CACNA1C: variants seen among roughly 807,000 people sequenced by gnomAD.
CACNA1C encodes voltage-dependent L-type calcium channel subunit alpha-1C.
A neutral mutation model predicts 229.0 loss-of-function variants in CACNA1C; 30 were observed. The observed-to-expected ratio is 0.13, with a 90% CI of 0.10 to 0.18. The LOEUF (loss-of-function observed/expected upper bound fraction) is 0.18. Ranked by LOEUF, CACNA1C falls within the 10% of genes least tolerant of loss-of-function variation. CACNA1C has a pLI of 1.00. For synonymous variants in CACNA1C, 1,114 were observed against 1,132.5 expected (o/e 0.98, Z 0.33); for missense variants, 1,658 against 2,845.0 (o/e 0.58, Z 9.49).
chr12:2,162,523 G>A (rs1694952585), intron 3 of CACNA1C, among the ~76,000 whole-genome samples: 1 of 152,096 alleles, frequency 6.6e-6, no homozygotes, highest in African/African-American at 2.4e-5. Flanking sequence ...CCGTGTCTTT[G>A]AGGCACAGTA....
rs943739743 is a variant in CACNA1C at position 2,006,322 on chromosome 12, C to A, written c.139+35121C>A. On this transcript the variant is annotated intron_variant, in intron 1 of 46. Transcript: ENST00000682462. The stretch of plus-strand genomic sequence containing the variant: ...ACTCGGGAGGCTGAGGCAGGAGAAT[C>A]GCTTGAACCCGGGAGGCAGAGGTTG... Among the ~76,000 whole-genome samples, 19 of 152,108 alleles carry A rather than the reference C, an allele frequency of 1.2e-4. 1 individual carries two copies. The highest frequency in any genetic ancestry group is 1.5e-5 in the Non-Finnish European group (1 of 68,026).
intron 37 of CACNA1C, among the ~76,000 whole-genome samples, chr12:2,667,753 A>G (rs1345994501): frequency 6.6e-6 from 1 of 152,146 alleles, no homozygotes. Context: ...GCCAAGATAC[A>G]GTTCACACCG....
intron 3 of CACNA1C, among the ~76,000 whole-genome samples, chr12:2,310,803 A>G (rs2095397627): frequency 6.6e-6 from 1 of 152,214 alleles, no homozygotes; most frequent in Admixed American, 6.5e-5. Flanking sequence ...AGCACATCAG[A>G]AGAACCAATG....
intron 29 of CACNA1C, among the ~76,000 whole-genome samples, chr12:2,615,743 C>A (rs1323290621): frequency 2.0e-5 from 3 of 152,210 alleles, no homozygotes; most frequent in African/African-American, 7.2e-5. Flanking sequence ...CCAGTGTCGG[C>A]TGCTGGTTTG....
At chr12:2,240,911 G>T (rs1247570632) in intron 3 of CACNA1C, among the ~76,000 whole-genome samples, 1 of 152,102 alleles carries the variant, frequency 6.6e-6, no homozygotes, top group African/African-American at 2.4e-5. Context: ...CGTCTCAGTG[G>T]GTGCTTCTGC....
intron 3 of CACNA1C, among the ~76,000 whole-genome samples, chr12:2,199,987 T>C (rs2097536947): frequency 6.6e-6 from 1 of 152,196 alleles, no homozygotes; most frequent in Admixed American, 6.5e-5. Context: ...CATCGCACAA[T>C]TACTATCTGA....
chr12:2,641,834 C>G (rs546372674), intron 30 of CACNA1C: 3 of 700,786 alleles, frequency 4.3e-6, no homozygotes, highest in Non-Finnish European at 5.2e-6. Context: ...CCCACAAAGG[C>G]TGTTTTCTAC....
intron 9 of CACNA1C, among the ~76,000 whole-genome samples, chr12:2,517,299 T>A (rs1314579421): frequency 6.6e-6 from 1 of 152,230 alleles, no homozygotes; most frequent in East Asian, 1.9e-4. Flanking sequence ...CTGAAGAGTC[T>A]GGCCATCAGG....
At position 2,679,193 on chromosome 12, in the gene CACNA1C, TG is replaced by T. The variant is rs2096987111; in HGVS notation, c.5092-248del. Among the ~76,000 whole-genome samples the T allele has an allele frequency of 6.6e-6, 1 of 152,124 alleles. No individual in the cohort carries two copies. ...CCTTGCCCAATCCCATCCCCACTGG[TG>T]GGTGGGTTCTCCCAGCTGCTGCAGA... is the stretch of plus-strand genomic sequence containing the variant. On this transcript the variant is annotated intron_variant, in intron 41 of 46. Coordinates refer to ENST00000399655, the MANE Select transcript of CACNA1C (RefSeq NM_000719.7). The surrounding 1 kb of genome is among the most constrained non-coding windows in gnomAD (Gnocchi z 5.5).
At chr12:2,441,984 A>G (rs2099232724) in intron 3 of CACNA1C, among the ~76,000 whole-genome samples, 1 of 152,212 alleles carries the variant, frequency 6.6e-6, no homozygotes, top group Non-Finnish European at 1.5e-5. Context: ...AGCTCTTTGC[A>G]GCACTGTAAT....
intron 1 of CACNA1C, among the ~76,000 whole-genome samples, chr12:2,086,651 AGT>A (rs1241735377): frequency 6.6e-6 from 1 of 152,178 alleles, no homozygotes; most frequent in African/African-American, 2.4e-5. Context: ...ATGGTGACTC[AGT>A]GAGCATGGTC....
chr12:2,415,023 G>A (rs2098852078), intron 3 of CACNA1C, among the ~76,000 whole-genome samples: 1 of 152,146 alleles, frequency 6.6e-6, no homozygotes, highest in Non-Finnish European at 1.5e-5. Context: ...GTCTGTGTGT[G>A]CCATGGGCTC....
At chr12:2,104,052 C>T (rs1420783948) in intron 1 of CACNA1C, among the ~76,000 whole-genome samples, 1 of 152,174 alleles carries the variant, frequency 6.6e-6, no homozygotes, top group Non-Finnish European at 1.5e-5. Flanking sequence ...ATTGTCTTGG[C>T]TATGCGGGCT....
In CACNA1C at chr12:2,486,165, G is replaced by A. The variant is rs755302288; in HGVS notation, c.819G>A (p.Leu273=). The A allele has an allele frequency of 1.2e-6, 2 of 1,613,594 alleles. No individual in the cohort carries two copies. Among genetic ancestry groups the A allele is most frequent in the Admixed American group, 1.7e-5 (1 of 60,012 alleles). Residue 273 remains leucine (L), a synonymous_variant, in exon 6 of 47, where the codon CTG becomes CTA. Transcript: ENST00000399655. The surrounding 1 kb of genome is among the most constrained non-coding windows in gnomAD (Gnocchi z 4.9). ...KAMVPLLHIA[L]LVLFVIIIYA... ...TGGTCCCCCTGCTGCACATCGCCCT[G>A]CTTGTGCTGTTTGTCATCATCATCT...
intron 11 of CACNA1C, among the ~76,000 whole-genome samples, chr12:2,560,032 GT>G (rs909005424): frequency 2.6e-5 from 4 of 152,162 alleles, no homozygotes; most frequent in Non-Finnish European, 5.9e-5. Context: ...TTCAGTGTGT[GT>G]TTTTCCCTTA....
chr12:2,667,318 T>C (rs116722658), intron 37 of CACNA1C, among the ~76,000 whole-genome samples: 1,456 of 98,114 alleles, frequency 0.015, 12 homozygotes, highest in African/African-American at 0.049. Flanking sequence ...ACCGTGGCCA[T>C]TCCGTGCTCC....
In CACNA1C at chr12:2,211,293, T is replaced by A. The variant is rs76304855; in HGVS notation, c.477+90863T>A. On this transcript the variant is annotated intron_variant, in intron 3 of 46. Coordinates refer to ENST00000399655, the MANE Select transcript of CACNA1C (RefSeq NM_000719.7). Reference sequence around the variant, plus strand: ...TTCTTACACCTCACAGTAACCATGTTCCAGCAGCTTATTGGATTGGTCCAG... The same window carrying A: ...TTCTTACACCTCACAGTAACCATGTACCAGCAGCTTATTGGATTGGTCCAG... Among the ~76,000 whole-genome samples the A allele has an allele frequency of 1.8e-3, 272 of 152,382 alleles. 1 individual carries two copies. Among genetic ancestry groups the A allele is most frequent in the African/African-American group, 6.3e-3 (262 of 41,596 alleles).
intron 3 of CACNA1C, among the ~76,000 whole-genome samples, chr12:2,324,225 A>G (rs1037368623): frequency 6.6e-6 from 1 of 152,132 alleles, no homozygotes; most frequent in Non-Finnish European, 1.5e-5. Flanking sequence ...TGGGGCTGAC[A>G]CCTCAGGGCT....
At chr12:2,564,730 A>G (rs780299330) in intron 11 of CACNA1C, among the ~76,000 whole-genome samples, 1 of 152,174 alleles carries the variant, frequency 6.6e-6, no homozygotes, top group Non-Finnish European at 1.5e-5. Flanking sequence ...TCAAGGGACT[A>G]TTGATTCTGC....
Sources: allele counts gnomAD v4.1 joint callset (sites outside exome capture counted in the v4.1 genomes callset), GRCh38; gene constraint gnomAD v4.1.1; non-coding constraint Gnocchi (gnomAD v3.1); transcripts MANE v1.5; gene names NCBI Gene and HGNC (gene_info 2026-07-23, HGNC 2026-07-21).